Variants in KBTBD13 observed in about 807,000 individuals in gnomAD.
The protein encoded by KBTBD13 is kelch repeat and BTB domain-containing protein 13.
A neutral mutation model predicts 25.4 loss-of-function variants in KBTBD13; 32 were observed. The observed-to-expected ratio is 1.26, with a 90% CI of 0.95 to 1.69. KBTBD13 has a LOEUF of 1.69. KBTBD13 is among the 40% of genes most tolerant of loss of function. The pLI is 0.00. For missense variants in KBTBD13, 898 were observed against 679.5 expected (o/e 1.32, Z -3.57); for synonymous variants, 436 against 329.8 (o/e 1.32, Z -3.49).
rs889454064 is a variant in KBTBD13, at chr15:65,079,700, T to C, written c.*1508T>C. On this transcript the variant is annotated 3_prime_UTR_variant, in exon 1 of 1. Coordinates refer to ENST00000432196, the MANE Select transcript of KBTBD13 (RefSeq NM_001101362.3). ...GGAAGACTTCTCTGGGTGGTTCTCA[T>C]TGGTCTCCATCCCCCAGGACCTGAG... Among the ~76,000 whole-genome samples the C allele has an allele frequency of 1.3e-5, 2 of 152,210 alleles. No individual in the cohort carries two copies. Among genetic ancestry groups the C allele is most frequent in the Non-Finnish European group, 2.9e-5 (2 of 68,028 alleles).
rs142860231 is a variant in KBTBD13, at chr15:65,078,891, G to A, written c.*699G>A. On this transcript the variant is annotated 3_prime_UTR_variant, in exon 1 of 1. Transcript: ENST00000432196. ...GAGGCTTAGACCATGGAGGCTGAGAGCTCAGAAGAGAAGCAGGGTTGGGGA... is the reference window on the plus strand; with the variant it reads ...GAGGCTTAGACCATGGAGGCTGAGAACTCAGAAGAGAAGCAGGGTTGGGGA... Among the ~76,000 whole-genome samples, 20 of 152,324 alleles carry A rather than the reference G, an allele frequency of 1.3e-4. 1 individual carries two copies. The East Asian group carries it at 3.7e-3, about 28-fold the overall frequency.
At position 65,077,679 on chromosome 15, in the gene KBTBD13, GGCCGACCTGCCGCAGCCGGCC is replaced by G. The variant is rs749658074; in HGVS notation, c.869_889del (p.Asp290_Ala296del). The G allele has an allele frequency of 6.3e-7, 1 of 1,582,362 alleles. No homozygotes were observed. On this transcript the variant is annotated inframe_deletion, in exon 1 of 1. Coordinates refer to ENST00000432196, the MANE Select transcript of KBTBD13 (RefSeq NM_001101362.3). ...CAGCCGCGGGCTGCTGGAGTTTCGT[GGCCGACCTGCCGCAGCCGGCC>G]GCCGGCGTGCCCTGCGCCCAGGCTT...
rs750627612 is a variant in KBTBD13 at position 65,077,572 on chromosome 15, C to G, written c.757C>G (p.Leu253Val). The part of the protein sequence containing the change: ...SPHQPRYDTA[L>V]AGFDGRLYAI... Reference sequence around the variant, plus strand: ...GCACCAGCCGCGCTATGACACAGCGCTGGCCGGCTTCGACGGCCGCCTCTA... The same window carrying G: ...GCACCAGCCGCGCTATGACACAGCGGTGGCCGGCTTCGACGGCCGCCTCTA... The change falls in exon 1 of 1, where the codon CTG becomes GTG. Residue 253 changes from leucine (L) to valine (V), a missense_variant. Leu to Val is a conservative substitution (Grantham distance 32). Transcript: ENST00000432196. The G allele has an allele frequency of 1.3e-6, 2 of 1,558,252 alleles. No homozygotes were observed. Among genetic ancestry groups the G allele is most frequent in the Non-Finnish European group, 1.7e-6 (2 of 1,159,610 alleles).
At position 65,078,006 on chromosome 15, in the gene KBTBD13, G is replaced by A; in HGVS notation, c.1191G>A (p.Val397=). 1 of 1,607,868 alleles carries A rather than the reference G, an allele frequency of 6.2e-7. No individual in the cohort carries two copies. The highest frequency in any genetic ancestry group is 2.2e-5 in the East Asian group (1 of 44,860). Residue 397 remains valine, a synonymous_variant, in exon 1 of 1, where the codon GTG becomes GTA. Coordinates refer to ENST00000432196, the MANE Select transcript of KBTBD13 (RefSeq NM_001101362.3). The part of the protein sequence containing the change: ...VNSKGALFTA[V]VRGDTVYTVN... ...GCAAGGGAGCGCTCTTCACGGCCGT[G>A]GTGCGCGGTGACACCGTCTATACGG... is the stretch of plus-strand genomic sequence containing the variant.
Position 65,078,524 on chromosome 15 carries a change from AAGT to A in KBTBD13, c.*338_*340del, listed in dbSNP as rs906698306. ...ACTTAAATGATGTTAATCAAACTGCAAGTAGTAGGCAAGAATTAGGCACCTACT... is the reference window on the plus strand; with the variant it reads ...ACTTAAATGATGTTAATCAAACTGCAAGTAGGCAAGAATTAGGCACCTACT... On this transcript the variant is annotated 3_prime_UTR_variant, in exon 1 of 1. Coordinates refer to ENST00000432196, the MANE Select transcript of KBTBD13 (RefSeq NM_001101362.3). 2.6e-5 allele frequency among the ~76,000 whole-genome samples: 4 copies of A among 152,230 alleles called. No homozygotes were observed. Among genetic ancestry groups the A allele is most frequent in the Non-Finnish European group, 2.9e-5 (2 of 68,048 alleles).
Position 65,076,750 on chromosome 15 carries a change from G to T in KBTBD13, c.-66G>T. On this transcript the variant is annotated 5_prime_UTR_variant, in exon 1 of 1. Transcript: ENST00000432196. ...CCCAGGGAAGTTTTTTGCTCCAGGG[G>T]AGCCCCAGAGTTGGTGGCTGGCTAA... The T allele has an allele frequency of 7.0e-7, 1 of 1,427,478 alleles. No individual in the cohort carries two copies. The highest frequency in any genetic ancestry group is 9.3e-7 in the Non-Finnish European group (1 of 1,078,346). The allele number at this position is 1,427,478 out of a possible 1,614,324, so 88.4% of individuals were successfully genotyped here.
At position 65,078,015 on chromosome 15, in the gene KBTBD13, T is replaced by G. The variant is rs2919360; in HGVS notation, c.1200T>G (p.Gly400=). ...KGALFTAVVR[G]DTVYTVNRMF... ...CGCTCTTCACGGCCGTGGTGCGCGG[T>G]GACACCGTCTATACGGTCAACCGCA... is the stretch of plus-strand genomic sequence containing the variant. Residue 400 remains glycine, a synonymous_variant, in exon 1 of 1, where the codon GGT becomes GGG. Coordinates refer to ENST00000432196, the MANE Select transcript of KBTBD13 (RefSeq NM_001101362.3). The G allele has an allele frequency of 6.2e-7, 1 of 1,606,120 alleles. No individual in the cohort carries two copies.
chr15:65,077,864 G>A lies in KBTBD13; in HGVS notation c.1049G>A (p.Arg350His). The A allele has an allele frequency of 6.2e-7, 1 of 1,611,296 alleles. No homozygotes were observed. The highest frequency in any genetic ancestry group is 8.5e-7 in the Non-Finnish European group (1 of 1,179,756). The stretch of plus-strand genomic sequence containing the variant: ...TATGGCCACTGCATGGTGGCCCACC[G>A]CGACAGCCTCTATGTGGTGCGCAAC... ...QSYGHCMVAHRDSLYVVRNGP... is the reference protein window; with the variant it reads ...QSYGHCMVAHHDSLYVVRNGP... The change falls in exon 1 of 1, where the codon CGC (arginine) becomes CAC (histidine). Residue 350 changes from arginine (R) to histidine (H), a missense_variant. Coordinates refer to ENST00000432196, the MANE Select transcript of KBTBD13 (RefSeq NM_001101362.3).
chr15:65,077,208 C>CGGCGAGCGCGAGCT lies in KBTBD13; in HGVS notation c.398_411dup (p.Ala138SerfsTer28). 6.9e-7 allele frequency: 1 copy of CGGCGAGCGCGAGCT among 1,449,778 alleles called. No homozygotes were observed. 89.8% of individuals were successfully genotyped at this position (1,449,778 alleles called of 1,614,324 possible). A position where few individuals can be genotyped will look rare whatever the true frequency, so the allele number is the denominator to read the frequency against. On this transcript the variant is annotated frameshift_variant, in exon 1 of 1. Transcript: ENST00000432196. LOFTEE classifies it high-confidence loss of function. Reference sequence around the variant, plus strand: ...ACAGTGCCGCGCTCTTCATCTGCGACGGCGAGCGCGAGCTGGCGGCCGAAC... The same window carrying CGGCGAGCGCGAGCT: ...ACAGTGCCGCGCTCTTCATCTGCGACGGCGAGCGCGAGCTGGCGAGCGCGAGCTGGCGGCCGAAC...
At position 65,076,790 on chromosome 15, in the gene KBTBD13, GGCAGCCTCC is replaced by G; in HGVS notation, c.-23_-15del. 1 of 1,494,222 alleles carries G rather than the reference GGCAGCCTCC, an allele frequency of 6.7e-7. No individual in the cohort carries two copies. The highest frequency in any genetic ancestry group is 8.9e-7 in the Non-Finnish European group (1 of 1,122,654). The allele number at this position is 1,494,222 out of a possible 1,614,324, so 92.6% of individuals were successfully genotyped here. A position where few individuals can be genotyped will look rare whatever the true frequency, so the allele number is the denominator to read the frequency against. On this transcript the variant is annotated 5_prime_UTR_variant, in exon 1 of 1. Coordinates refer to ENST00000432196, the MANE Select transcript of KBTBD13 (RefSeq NM_001101362.3). ...TGGCTGGCTAACCCAAGGCCCCAGC[GGCAGCCTCC>G]GCCCGGCCAGCTCGCCATGGCACGG...
Position 65,076,990 on chromosome 15 carries a change from CGCGCCACGCTGCAGGT to C in KBTBD13, c.178_193del (p.Ala60CysfsTer96). 6.5e-7 allele frequency: 1 copy of C among 1,535,180 alleles called. No individual in the cohort carries two copies. On this transcript the variant is annotated frameshift_variant, in exon 1 of 1. Coordinates refer to ENST00000432196, the MANE Select transcript of KBTBD13 (RefSeq NM_001101362.3). LOFTEE classifies it high-confidence loss of function. ...GGGCGTTCTGAGCGCGGGAGGTTTC[CGCGCCACGCTGCAGGT>C]GCTGCGCGGCGACCGGCCGGCGCTG...
At position 65,077,323 on chromosome 15, in the gene KBTBD13, C is replaced by G. The variant is rs560764895; in HGVS notation, c.508C>G (p.Leu170Val). The change falls in exon 1 of 1, where the codon CTG becomes GTG. Residue 170 changes from leucine (L) to valine (V), a missense_variant. Coordinates refer to ENST00000432196, the MANE Select transcript of KBTBD13 (RefSeq NM_001101362.3). ...VSTHTPAPGFLEDASRTLCYL... is the reference protein window; with the variant it reads ...VSTHTPAPGFVEDASRTLCYL... ...CACGCACACGCCCGCGCCCGGCTTC[C>G]TGGAGGACGCCTCGCGCACGCTGTG... The G allele has an allele frequency of 2.1e-6, 3 of 1,433,398 alleles. No homozygotes were observed. In the African/African-American group the frequency reaches 4.5e-5, roughly 21 times the overall value. 88.8% of individuals were successfully genotyped at this position (1,433,398 alleles called of 1,614,324 possible).
chr15:65,077,085 G>A lies in KBTBD13; in HGVS notation c.270G>A (p.Ala90=), dbSNP rs1172225602. 5 of 1,521,244 alleles carry A rather than the reference G, an allele frequency of 3.3e-6. No individual in the cohort carries two copies. The highest frequency in any genetic ancestry group is 1.2e-5 in the South Asian group (1 of 82,286). 94.2% of individuals were successfully genotyped at this position (1,521,244 alleles called of 1,614,324 possible). A position where few individuals can be genotyped will look rare whatever the true frequency, so the allele number is the denominator to read the frequency against. ...QAVECAAFLQ[A]PALARFLEHN... is the part of the protein sequence containing the mutation. ...TGGAGTGCGCCGCCTTCCTCCAGGC[G>A]CCGGCGCTGGCTCGCTTTCTGGAGC... is the stretch of plus-strand genomic sequence containing the variant. Residue 90 remains alanine, a synonymous_variant, in exon 1 of 1, where the codon GCG becomes GCA. Transcript: ENST00000432196.
In KBTBD13 at chr15:65,078,136, C is replaced by A; in HGVS notation, c.1321C>A (p.Leu441Ile). The A allele has an allele frequency of 6.4e-7, 1 of 1,553,426 alleles. No individual in the cohort carries two copies. Among genetic ancestry groups the A allele is most frequent in the East Asian group, 2.4e-5 (1 of 41,886 alleles). Residue 441 changes from leucine to isoleucine, a missense_variant, in exon 1 of 1, where the codon CTA (leucine) becomes ATA (isoleucine). Physicochemically the swap from Leu to Ile is conservative, Grantham distance 5 (BLOSUM62 2). Transcript: ENST00000432196. ...PRPGSLQTFLLRLPPGAPGPV... is the reference protein window; with the variant it reads ...PRPGSLQTFLIRLPPGAPGPV... Reference sequence around the variant, plus strand: ...GCCCGGCTCCTTGCAGACCTTTCTCCTAAGGCTGCCTCCTGGCGCTCCTGG... The same window carrying A: ...GCCCGGCTCCTTGCAGACCTTTCTCATAAGGCTGCCTCCTGGCGCTCCTGG...
Position 65,077,913 on chromosome 15 carries a change from C to T in KBTBD13, c.1098C>T (p.His366=). Residue 366 remains histidine, a synonymous_variant, in exon 1 of 1, where the codon CAC becomes CAT. Coordinates refer to ENST00000432196, the MANE Select transcript of KBTBD13 (RefSeq NM_001101362.3). ...VRNGPSDDFL[H]CAIDCLNLAT... is the part of the protein sequence containing the mutation. Reference sequence around the variant, plus strand: ...ACGGACCTTCCGACGACTTCCTGCACTGCGCCATCGACTGTCTCAACCTGG... The same window carrying T: ...ACGGACCTTCCGACGACTTCCTGCATTGCGCCATCGACTGTCTCAACCTGG... 6.2e-7 allele frequency: 1 copy of T among 1,612,036 alleles called. No homozygotes were observed. The highest frequency in any genetic ancestry group is 1.3e-5 in the African/African-American group (1 of 75,068).
chr15:65,077,139 G>A lies in KBTBD13; in HGVS notation c.324G>A (p.Leu108=). Residue 108 remains leucine, a synonymous_variant, in exon 1 of 1, where the codon TTG becomes TTA. Transcript: ENST00000432196. ...EHNLTSDNCA[L]LCDAAAAFGL... Reference sequence around the variant, plus strand: ...ACCTCACGTCGGACAACTGCGCATTGCTGTGCGACGCGGCCGCCGCCTTCG... The same window carrying A: ...ACCTCACGTCGGACAACTGCGCATTACTGTGCGACGCGGCCGCCGCCTTCG... 2 of 1,516,278 alleles carry A rather than the reference G, an allele frequency of 1.3e-6. No individual in the cohort carries two copies. Among genetic ancestry groups the A allele is most frequent in the Non-Finnish European group, 1.8e-6 (2 of 1,137,226 alleles). The allele number at this position is 1,516,278 out of a possible 1,614,324, so 93.9% of individuals were successfully genotyped here.
rs1360336920 is a variant in KBTBD13 at position 65,077,588 on chromosome 15, G to T, written c.773G>T (p.Gly258Val). Reference sequence around the variant, plus strand: ...GACACAGCGCTGGCCGGCTTCGACGGCCGCCTCTACGCCATCGGCGGCGAA... The same window carrying T: ...GACACAGCGCTGGCCGGCTTCGACGTCCGCCTCTACGCCATCGGCGGCGAA... ...RYDTALAGFD[G>V]RLYAIGGEFQ... The change falls in exon 1 of 1, where the codon GGC (glycine) becomes GTC (valine). Residue 258 changes from glycine (G) to valine (V), a missense_variant. By Grantham distance (109) the Gly-to-Val change is moderately radical. Coordinates refer to ENST00000432196, the MANE Select transcript of KBTBD13 (RefSeq NM_001101362.3). The T allele has an allele frequency of 6.4e-7, 1 of 1,566,670 alleles. No individual in the cohort carries two copies. Among genetic ancestry groups the T allele is most frequent in the Non-Finnish European group, 8.6e-7 (1 of 1,163,800 alleles).
chr15:65,077,695 C>A lies in KBTBD13; in HGVS notation c.880C>A (p.Pro294Thr), dbSNP rs560695692. 1.3e-6 allele frequency: 2 copies of A among 1,576,936 alleles called. No individual in the cohort carries two copies. The highest frequency in any genetic ancestry group is 1.7e-6 in the Non-Finnish European group (2 of 1,167,060). Residue 294 changes from proline to threonine, a missense_variant, in exon 1 of 1, where the codon CCG (proline) becomes ACG (threonine). Coordinates refer to ENST00000432196, the MANE Select transcript of KBTBD13 (RefSeq NM_001101362.3). ...CWSFVADLPQ[P>T]AAGVPCAQAC... ...GAGTTTCGTGGCCGACCTGCCGCAG[C>A]CGGCCGCCGGCGTGCCCTGCGCCCA...
chr15:65,077,024 C>G lies in KBTBD13; in HGVS notation c.209C>G (p.Pro70Arg), dbSNP rs766269932. 4.7e-6 allele frequency: 7 copies of G among 1,497,578 alleles called. No individual in the cohort carries two copies. Among genetic ancestry groups the G allele is most frequent in the East Asian group, 2.5e-5 (1 of 39,288 alleles). The allele number at this position is 1,497,578 out of a possible 1,614,324, so 92.8% of individuals were successfully genotyped here. A position where few individuals can be genotyped will look rare whatever the true frequency, so the allele number is the denominator to read the frequency against. Residue 70 changes from proline (P) to arginine (R), a missense_variant, in exon 1 of 1, where the codon CCG (proline) becomes CGG (arginine). Physicochemically the swap from Pro to Arg is moderately radical, Grantham distance 103 (BLOSUM62 -2). Transcript: ENST00000432196. ...ATLQVLRGDR[P>R]ALAAEDELLQ... Reference sequence around the variant, plus strand: ...CTGCAGGTGCTGCGCGGCGACCGGCCGGCGCTGGCGGCGGAGGACGAGCTG... The same window carrying G: ...CTGCAGGTGCTGCGCGGCGACCGGCGGGCGCTGGCGGCGGAGGACGAGCTG...
Sources: allele counts gnomAD v4.1 joint callset (sites outside exome capture counted in the v4.1 genomes callset), GRCh38; gene constraint gnomAD v4.1.1; transcripts MANE v1.5; gene names NCBI Gene and HGNC (gene_info 2026-07-23, HGNC 2026-07-21).